CSMD3: variants seen among roughly 807,000 people sequenced by gnomAD.
The protein encoded by CSMD3 is CUB and sushi domain-containing protein 3.
CSMD3 carries 177 observed loss-of-function variants against 435.2 expected under a neutral mutation model. The observed-to-expected ratio is 0.41, with a 90% CI of 0.36 to 0.46. The LOEUF is 0.46. Ranked by LOEUF, CSMD3 falls within the 20% of genes least tolerant of loss-of-function variation. The pLI, the probability that CSMD3 is intolerant of heterozygous loss-of-function variation, is 0.34. For missense variants in CSMD3, 4,265 were observed against 4,504.6 expected (o/e 0.95, Z 1.52); for synonymous variants, 1,656 against 1,520.5 (o/e 1.09, Z -2.07).
intron 13 of CSMD3, among the ~76,000 whole-genome samples, chr8:112,734,187 G>GT (rs1396866097): frequency 6.6e-6 from 1 of 151,320 alleles, no homozygotes. Flanking sequence ...ATAATTTAAA[G>GT]TTAAAAATAT....
chr8:113,058,819 C>T (rs1359069717), intron 5 of CSMD3, among the ~76,000 whole-genome samples: 2 of 151,390 alleles, frequency 1.3e-5, no homozygotes. Context: ...TTATTTTTTA[C>T]TCTATAGTTA....
At chr8:112,831,029 C>A (rs963151041) in intron 11 of CSMD3, among the ~76,000 whole-genome samples, 1 of 151,926 alleles carries the variant, frequency 6.6e-6, no homozygotes, top group African/African-American at 2.4e-5. Flanking sequence ...CCTCGTGATC[C>A]GCCCACCTCG....
At chr8:113,411,392 C>A (rs2094559258) in intron 1 of CSMD3, among the ~76,000 whole-genome samples, 2 of 152,136 alleles carry the variant, frequency 1.3e-5, no homozygotes, top group Admixed American at 6.5e-5. Flanking sequence ...TCTTTTCTGA[C>A]TTGTGTTCCC....
intron 3 of CSMD3, among the ~76,000 whole-genome samples, chr8:113,233,738 T>C (rs960875847): frequency 1.3e-5 from 2 of 151,878 alleles, no homozygotes; most frequent in Non-Finnish European, 2.9e-5. Context: ...AACTTGAAAA[T>C]AAAAATTAAA....
intron 10 of CSMD3, among the ~76,000 whole-genome samples, chr8:112,899,208 A>G (rs980447572): frequency 1.3e-5 from 2 of 151,042 alleles, no homozygotes; most frequent in African/African-American, 4.8e-5. Flanking sequence ...TAACCTGAAC[A>G]CTAATCTTAC....
At chr8:112,537,090 A>G (rs948262847) in intron 27 of CSMD3, among the ~76,000 whole-genome samples, 4 of 152,090 alleles carry the variant, frequency 2.6e-5, no homozygotes, top group Non-Finnish European at 5.9e-5. Flanking sequence ...TAATGGGTGC[A>G]GCACACCAGC....
chr8:112,317,975 T>C (rs1397090783), intron 47 of CSMD3, among the ~76,000 whole-genome samples: 1 of 152,092 alleles, frequency 6.6e-6, no homozygotes, highest in African/African-American at 2.4e-5. Context: ...ATGATAATTG[T>C]GTGTTAGGCA....
At chr8:112,348,838 T>A (rs934523146) in intron 40 of CSMD3, among the ~76,000 whole-genome samples, 18 of 152,272 alleles carry the variant, frequency 1.2e-4, no homozygotes, top group South Asian at 4.1e-4. Flanking sequence ...AGTAATTTTT[T>A]AAAAAATTGT....
intron 13 of CSMD3, among the ~76,000 whole-genome samples, chr8:112,794,127 A>C (rs893768715): frequency 6.6e-6 from 1 of 151,838 alleles, no homozygotes; most frequent in Non-Finnish European, 1.5e-5. Flanking sequence ...CTTTCTATTC[A>C]TTGGTTCTGC....
chr8:113,059,881 G>T (rs1001064663), intron 5 of CSMD3, among the ~76,000 whole-genome samples: 3 of 152,092 alleles, frequency 2.0e-5, no homozygotes, highest in Non-Finnish European at 4.4e-5. Context: ...GTTAGCAGAA[G>T]ATATAGGCAA....
intron 1 of CSMD3, among the ~76,000 whole-genome samples, chr8:113,342,577 ACC>A (rs1163006625): frequency 6.6e-6 from 1 of 152,134 alleles, no homozygotes; most frequent in Non-Finnish European, 1.5e-5. Flanking sequence ...TAAAATTTGT[ACC>A]CTAGACGTGA....
At chr8:113,201,262 T>G (rs1285250746) in intron 3 of CSMD3, among the ~76,000 whole-genome samples, 2 of 151,998 alleles carry the variant, frequency 1.3e-5, no homozygotes, top group Non-Finnish European at 2.9e-5. Flanking sequence ...AACACAGCAA[T>G]GAAATTCATT....
At chr8:112,322,888 G>C (rs2130883856) in intron 45 of CSMD3, among the ~76,000 whole-genome samples, 1 of 152,110 alleles carries the variant, frequency 6.6e-6, no homozygotes, top group African/African-American at 2.4e-5. Context: ...CCAGGAATTA[G>C]TTCTTGTCAC....
chr8:112,439,051 C>T (rs1359006923), intron 32 of CSMD3, among the ~76,000 whole-genome samples: 3 of 152,168 alleles, frequency 2.0e-5, no homozygotes, highest in South Asian at 2.1e-4. Flanking sequence ...CATACTTCCT[C>T]TGCATGCTTC....
intron 38 of CSMD3, 130 bp downstream of exon 38, chr8:112,380,222 A>T (rs969516763): frequency 1.0e-5 from 6 of 577,012 alleles, no homozygotes; most frequent in Non-Finnish European, 1.5e-5. Flanking sequence ...TAATAGTTCA[A>T]ACTTTCAAGA....
intron 6 of CSMD3, among the ~76,000 whole-genome samples, chr8:112,994,008 T>C (rs930934058): frequency 6.6e-6 from 1 of 151,794 alleles, no homozygotes; most frequent in African/African-American, 2.4e-5. Flanking sequence ...ACATCACTTA[T>C]CTTACATGTA....
Position 112,692,242 on chromosome 8 carries a change from T to C in CSMD3, c.1973-2192A>G, listed in dbSNP as rs183839600. Reference sequence around the variant, plus strand: ...AATCTTAGAACTTTTTTAGTATATTTTCAGCCTTTCTTATTTATTAAAAAA... The same window carrying C: ...AATCTTAGAACTTTTTTAGTATATTCTCAGCCTTTCTTATTTATTAAAAAA... On this transcript the variant is annotated intron_variant, in intron 13 of 70. Transcript: ENST00000297405. Among the ~76,000 whole-genome samples the C allele has an allele frequency of 4.7e-4, 72 of 152,268 alleles. 2 individuals carry two copies. Among genetic ancestry groups the C allele is most frequent in the African/African-American group, 1.6e-3 (68 of 41,584 alleles).
chr8:112,387,628 C>T (rs1271275737), intron 36 of CSMD3, among the ~76,000 whole-genome samples: 1 of 152,040 alleles, frequency 6.6e-6, no homozygotes, highest in Non-Finnish European at 1.5e-5. Flanking sequence ...ATGCTTTACA[C>T]ACTATATGTT....
intron 22 of CSMD3, among the ~76,000 whole-genome samples, chr8:112,618,907 T>A (rs989922611): frequency 6.6e-6 from 1 of 152,150 alleles, no homozygotes; most frequent in African/African-American, 2.4e-5. Flanking sequence ...TTTATTTTGG[T>A]CCAGATCATC....
Sources: allele counts gnomAD v4.1 joint callset (sites outside exome capture counted in the v4.1 genomes callset), GRCh38; gene constraint gnomAD v4.1.1; transcripts MANE v1.5; gene names NCBI Gene and HGNC (gene_info 2026-07-23, HGNC 2026-07-21).